Variants in TTC3 observed in about 807,000 individuals in gnomAD.
TTC3 encodes E3 ubiquitin-protein ligase TTC3.
In TTC3, 180 loss-of-function variants were observed where a neutral mutation model predicts 249.6. That is an observed-to-expected ratio of 0.72 (90% confidence interval 0.64 to 0.82). TTC3 has a LOEUF of 0.82. Ranked by LOEUF, TTC3 falls within the 40% of genes least tolerant of loss-of-function variation. The pLI, the probability that TTC3 is intolerant of heterozygous loss-of-function variation, is 0.00. For missense variants in TTC3, 2,061 were observed against 2,398.4 expected (o/e 0.86, Z 2.94); for synonymous variants, 717 against 805.0 (o/e 0.89, Z 1.85).
At chr21:37,122,910 T>C in intron 12 of TTC3, 73 bp from the exon 13 acceptor site, 1 of 1,386,282 alleles carries the variant, frequency 7.2e-7, no homozygotes, top group Non-Finnish European at 9.5e-7. Flanking sequence ...TTAAAGTAAA[T>C]TTGAAATCTT....
chr21:37,111,122 A>C (rs534949119), intron 11 of TTC3, among the ~76,000 whole-genome samples: 36 of 152,292 alleles, frequency 2.4e-4, no homozygotes, highest in Middle Eastern at 3.4e-3. Context: ...AAAGACCATC[A>C]AGGCTAGGAA....
At chr21:37,129,510 C>A (rs1217391868) in intron 16 of TTC3, among the ~76,000 whole-genome samples, 1 of 152,220 alleles carries the variant, frequency 6.6e-6, no homozygotes, top group East Asian at 1.9e-4. Context: ...ATGCATATTT[C>A]AGATGCCCTT....
chr21:37,152,346 A>C (rs182682126), intron 26 of TTC3, among the ~76,000 whole-genome samples: 1 of 151,784 alleles, frequency 6.6e-6, no homozygotes, highest in South Asian at 2.1e-4. Context: ...AGGATTGTTG[A>C]AGGAAGTGGC....
chr21:37,146,671 AGACCAGT>A (rs2079013439), intron 21 of TTC3, among the ~76,000 whole-genome samples: 1 of 152,214 alleles, frequency 6.6e-6, no homozygotes, highest in Admixed American at 6.5e-5. Flanking sequence ...GACAGAAAGT[AGACCAGT>A]GATTGCTGGG....
In TTC3 at chr21:37,105,010, C is replaced by T. The variant is rs556144555; in HGVS notation, c.846-3382C>T. Among the ~76,000 whole-genome samples, 108 of 152,252 alleles carry T rather than the reference C, an allele frequency of 7.1e-4. 1 individual carries two copies. The highest frequency in any genetic ancestry group is 2.2e-3 in the African/African-American group (90 of 41,534). ...ATATGGCCAATTGGAGAAGGATGAG[C>T]CTGCCCAGGAGATTATTAAGATGTG... is the stretch of plus-strand genomic sequence containing the variant. On this transcript the variant is annotated intron_variant, in intron 10 of 45. Transcript: ENST00000355666.
chr21:37,167,796 G>T (rs2081382366), intron 34 of TTC3, among the ~76,000 whole-genome samples, 176 bp downstream of exon 34: 1 of 151,902 alleles, frequency 6.6e-6, no homozygotes, highest in African/African-American at 2.4e-5. Flanking sequence ...TTTGAGAAGG[G>T]AAGGAAAAGG....
rs183602088 is a variant in TTC3, at chr21:37,165,842, G to C, written c.3628G>C (p.Ala1210Pro). ...ACGAGTTAAACTACAACTGAATCCA[G>C]CTGCTAGGGAATTTAAACCAGATGT... Residue 1210 changes from alanine to proline, a missense_variant, in exon 33 of 46, where the codon GCT becomes CCT. Ala to Pro is a conservative substitution (Grantham distance 27, BLOSUM62 -1). Coordinates refer to ENST00000355666, the Ensembl canonical transcript of TTC3. The C allele has an allele frequency of 5.0e-6, 8 of 1,614,176 alleles. 1 individual carries two copies. In the South Asian group the frequency reaches 8.8e-5, roughly 18 times the overall value.
At chr21:37,147,822 G>A (rs1174162460) in intron 22 of TTC3, among the ~76,000 whole-genome samples, 1 of 151,766 alleles carries the variant, frequency 6.6e-6, no homozygotes, top group African/African-American at 2.4e-5. Context: ...TCCGCCTCCT[G>A]GGTTCAAGCA....
At chr21:37,095,351 AAGG>A in exon 9 of TTC3, 1 of 1,598,722 alleles carries the variant, frequency 6.3e-7, no homozygotes, top group South Asian at 1.1e-5. Flanking sequence ...GTTTCTCAGG[AAGG>A]AGAACTAATG....
rs1178526548 is a variant in TTC3, at chr21:37,178,747, C to T, written c.4618-4027C>T. ...GACCAAGGCAGAAAGATCGCTTGAG[C>T]CCAGGAGTTTGAAACCAGCCTGGGC... On this transcript the variant is annotated intron_variant, in intron 35 of 45. Coordinates refer to ENST00000355666, the Ensembl canonical transcript of TTC3. Among the ~76,000 whole-genome samples the T allele has an allele frequency of 2.0e-5, 3 of 152,096 alleles. No homozygotes were observed. The South Asian group carries it at 6.2e-4, about 32-fold the overall frequency.
At chr21:37,187,127 G>A (rs780338667) in exon 38 of TTC3, 1 of 1,579,986 alleles carries the variant, frequency 6.3e-7, no homozygotes, top group Non-Finnish European at 8.5e-7. Context: ...AGAGTCATCA[G>A]AGAGCTGTGG....
chr21:37,165,143 G>A (rs990669274), intron 32 of TTC3, among the ~76,000 whole-genome samples: 7 of 152,136 alleles, frequency 4.6e-5, no homozygotes, highest in African/African-American at 1.7e-4. Context: ...AGTATTTACT[G>A]TACGCAAATT....
At chr21:37,150,648 A>G (rs1481302567) in intron 24 of TTC3, among the ~76,000 whole-genome samples, 172 bp from the exon 25 acceptor site, 1 of 152,158 alleles carries the variant, frequency 6.6e-6, no homozygotes, top group Non-Finnish European at 1.5e-5. Context: ...GTTCCTCTTC[A>G]GTAAATTATT....
chr21:37,183,936 CACGCT>C (rs1195250902), intron 36 of TTC3, among the ~76,000 whole-genome samples: 1 of 152,116 alleles, frequency 6.6e-6, no homozygotes, highest in Non-Finnish European at 1.5e-5. Flanking sequence ...ACTGGGGGGC[CACGCT>C]ACACACTCAC....
At chr21:37,090,170 GT>G in intron 5 of TTC3, 62 bp from the exon 6 acceptor site, 1 of 1,296,518 alleles carries the variant, frequency 7.7e-7, no homozygotes, top group Non-Finnish European at 1.1e-6. Flanking sequence ...CCATTTTTCC[GT>G]TAGAAAATTC....
exon 33 of TTC3, chr21:37,165,771 A>C: frequency 1.9e-6 from 3 of 1,613,746 alleles, no homozygotes; most frequent in Non-Finnish European, 2.5e-6. Context: ...AAGAAGAAAA[A>C]CATTAAAACA....
Position 37,161,961 on chromosome 21 carries a change from C to T in TTC3, c.3097-29C>T, listed in dbSNP as rs116082249. ...TTAATGGAATTTTAAGGTAGAAAAT[C>T]ATTGTCATTTTTCTGTCTTTTAAAC... On this transcript the variant is annotated intron_variant, in intron 30 of 45. Transcript: ENST00000355666. The T allele has an allele frequency of 1.3e-3, 1,841 of 1,461,762 alleles. 16 individuals carry two copies. In the African/African-American group the frequency reaches 0.023, roughly 18 times the overall value. 90.5% of individuals were successfully genotyped at this position (1,461,762 alleles called of 1,614,324 possible).
intron 29 of TTC3, 74 bp downstream of exon 29, chr21:37,159,819 C>T (rs2148049965): frequency 7.0e-7 from 1 of 1,422,636 alleles, no homozygotes; most frequent in Admixed American, 1.7e-5. Context: ...GGACCCAGGC[C>T]AGTGTTTATT....
At chr21:37,115,261 G>T (rs4816560) in intron 11 of TTC3, among the ~76,000 whole-genome samples, 68,708 of 151,488 alleles carry the variant, frequency 0.45, 16,140 homozygotes, top group Non-Finnish European at 0.52. Context: ...ACAGATAAAA[G>T]AATGAAACCA....
Sources: allele counts gnomAD v4.1 joint callset (sites outside exome capture counted in the v4.1 genomes callset), GRCh38; gene constraint gnomAD v4.1.1; transcripts MANE v1.5; gene names NCBI Gene and HGNC (gene_info 2026-07-23, HGNC 2026-07-21).